Variants in STX1B observed in about 807,000 individuals in gnomAD.
STX1B encodes the protein syntaxin 1B, also known as syntaxin-1B.
A neutral mutation model predicts 39.4 loss-of-function variants in STX1B; 7 were observed. The ratio of observed to expected loss-of-function variants is 0.18; its 90% CI spans 0.10 to 0.33. The LOEUF is 0.33. Among genes scored for constraint, STX1B ranks in the 10% least tolerant of loss-of-function variants. The pLI is 1.00. For missense variants in STX1B, 198 were observed against 383.2 expected (o/e 0.52, Z 4.04); for synonymous variants, 136 against 144.1 (o/e 0.94, Z 0.40).
At chr16:31,004,706 G>A (rs1000071183) in intron 1 of STX1B, among the ~76,000 whole-genome samples, 2 of 151,788 alleles carry the variant, frequency 1.3e-5, no homozygotes, top group African/African-American at 4.8e-5. Context: ...ACTTGCCCCA[G>A]GTCAGCTGTT....
intron 1 of STX1B, among the ~76,000 whole-genome samples, chr16:31,003,318 G>A (rs1044675897): frequency 2.6e-5 from 4 of 152,232 alleles, no homozygotes; most frequent in African/African-American, 9.6e-5. Context: ...GCTGCCCCCA[G>A]AAAGTGGGGC....
At position 31,001,945 on chromosome 16, in the gene STX1B, T is replaced by G. The variant is rs944871840; in HGVS notation, c.31-342A>C. On this transcript the variant is annotated intron_variant, in intron 1 of 9. Coordinates refer to ENST00000215095, the MANE Select transcript of STX1B (RefSeq NM_052874.5). This position sits in a 1 kb window ranked among gnomAD's most constrained non-coding sequence, Gnocchi z 5.5. ...TTGCAGTAACTGACCCTGGGCTCCATGAAGGGTCCTGGACTAGAGTCCCGG... is the reference window on the plus strand; with the variant it reads ...TTGCAGTAACTGACCCTGGGCTCCAGGAAGGGTCCTGGACTAGAGTCCCGG... Among the ~76,000 whole-genome samples, 2 of 152,134 alleles carry G rather than the reference T, an allele frequency of 1.3e-5. No homozygotes were observed. Among genetic ancestry groups the G allele is most frequent in the East Asian group, 3.9e-4 (2 of 5,194 alleles).
At chr16:30,995,197 C>T (rs1056167707) in intron 7 of STX1B, among the ~76,000 whole-genome samples, 2 of 152,062 alleles carry the variant, frequency 1.3e-5, no homozygotes, top group African/African-American at 2.4e-5. Flanking sequence ...GGCTGGTCTA[C>T]GAACTCCTGG....
chr16:31,001,656 G>A lies in STX1B; in HGVS notation c.31-53C>T. ...AGCAGGCCCTACCTGGGTCCCCAAG[G>A]CTGGCTCTCCAGCTCTCCCACCCTC... On this transcript the variant is annotated intron_variant, in intron 1 of 9. Transcript: ENST00000215095. The surrounding 1 kb of genome is among the most constrained non-coding windows in gnomAD (Gnocchi z 5.5). 1 of 1,487,610 alleles carries A rather than the reference G, an allele frequency of 6.7e-7. No homozygotes were observed. 92.2% of individuals were successfully genotyped at this position (1,487,610 alleles called of 1,614,324 possible).
At chr16:31,009,779 C>G (rs998762940) in intron 1 of STX1B, among the ~76,000 whole-genome samples, 2 of 151,868 alleles carry the variant, frequency 1.3e-5, no homozygotes, top group African/African-American at 4.8e-5. Flanking sequence ...TCTGGGTCAC[C>G]CTGTCTCAGG....
At position 31,001,712 on chromosome 16, in the gene STX1B, C is replaced by T; in HGVS notation, c.31-109G>A. On this transcript the variant is annotated intron_variant, in intron 1 of 9. Transcript: ENST00000215095. The surrounding 1 kb of genome is among the most constrained non-coding windows in gnomAD (Gnocchi z 5.5). ...GCTATGCACACACAGGTGCTCCCAG[C>T]TCTAGGCTCAGAGGAGGGGTCCTGG... The T allele has an allele frequency of 1.2e-6, 1 of 828,752 alleles. No individual in the cohort carries two copies. The highest frequency in any genetic ancestry group is 1.9e-6 in the Non-Finnish European group (1 of 527,086). 51.3% of individuals were successfully genotyped at this position (828,752 alleles called of 1,614,324 possible).
chr16:31,009,207 A>G (rs2056668778), intron 1 of STX1B, among the ~76,000 whole-genome samples: 1 of 152,092 alleles, frequency 6.6e-6, no homozygotes, highest in South Asian at 2.1e-4. Flanking sequence ...CTTCTGTTTC[A>G]AAGGCCAGAA....
At chr16:31,007,900 A>T (rs2056662643) in intron 1 of STX1B, among the ~76,000 whole-genome samples, 1 of 152,212 alleles carries the variant, frequency 6.6e-6, no homozygotes, top group African/African-American at 2.4e-5. Flanking sequence ...ACGCGAAGAA[A>T]TTGAGGACCA....
intron 1 of STX1B, among the ~76,000 whole-genome samples, chr16:31,005,389 C>T (rs541156766): frequency 3.3e-5 from 5 of 151,750 alleles, no homozygotes; most frequent in South Asian, 2.1e-4. Context: ...ATGTGCAAAT[C>T]GAGGATGTAA....
Position 30,993,372 on chromosome 16 carries a change from T to G in STX1B, c.650A>C (p.Asp217Ala). The G allele has an allele frequency of 6.2e-7, 1 of 1,614,170 alleles. No individual in the cohort carries two copies. The highest frequency in any genetic ancestry group is 8.5e-7 in the Non-Finnish European group (1 of 1,180,032). ...SIRELHDMFV[D>A]MAMLVESQGE... ...CTGGCTCTCTACGAGCATGGCCATG[T>G]CCACAAACATATCGTGCAGCTCGCG... The change falls in exon 8 of 10, where the codon GAC becomes GCC. Residue 217 changes from aspartate (D) to alanine (A), a missense_variant. Physicochemically the swap from Asp to Ala is moderately radical, Grantham distance 126 (BLOSUM62 -2). Transcript: ENST00000215095.
chr16:30,992,734 A>G lies in STX1B; in HGVS notation c.*87T>C. 1.4e-6 allele frequency: 1 copy of G among 733,210 alleles called. No individual in the cohort carries two copies. The highest frequency in any genetic ancestry group is 1.6e-5 in the South Asian group (1 of 61,898). The allele number at this position is 733,210 out of a possible 1,614,324, so 45.4% of individuals were successfully genotyped here. On this transcript the variant is annotated 3_prime_UTR_variant, in exon 10 of 10. Transcript: ENST00000215095. ...GGGTCTGTTTTGGGAGTGAGCCTGG[A>G]GCAGGGGATGGAGTGAAAGGGGTGG...
intron 7 of STX1B, among the ~76,000 whole-genome samples, chr16:30,995,714 C>A (rs1417973567): frequency 2.0e-5 from 3 of 152,112 alleles, no homozygotes; most frequent in Non-Finnish European, 4.4e-5. Flanking sequence ...TGGTCTCGAA[C>A]TCCTGACCTC....
chr16:30,992,698 T>TGGGGGAGGGGG lies in STX1B; in HGVS notation c.*122_*123insCCCCCTCCCCC, dbSNP rs2056568319. ...GGGACACCAGGGTCTGCCGTGGGGG[T>TGGGGGAGGGGG]GGGGCTGCCTGGGTCTGTTTTGGGA... On this transcript the variant is annotated 3_prime_UTR_variant, in exon 10 of 10. Transcript: ENST00000215095. 4.3e-6 allele frequency: 2 copies of TGGGGGAGGGGG among 466,392 alleles called. No homozygotes were observed. Among genetic ancestry groups the TGGGGGAGGGGG allele is most frequent in the African/African-American group, 5.0e-5 (1 of 19,938 alleles). The allele number at this position is 466,392 out of a possible 1,614,324, so 28.9% of individuals were successfully genotyped here.
Position 30,997,579 on chromosome 16 carries a change from C to G in STX1B, c.281-4G>C. ...TGTTCAATGCTTTGCTCGATCGCTG[C>G]GGGAGAGAGGGCGCAGCGATGGGCG... On this transcript the variant is annotated splice_region_variant and splice_polypyrimidine_tract_variant and intron_variant, in intron 4 of 9. Coordinates refer to ENST00000215095, the MANE Select transcript of STX1B (RefSeq NM_052874.5). 1 of 1,605,862 alleles carries G rather than the reference C, an allele frequency of 6.2e-7. No individual in the cohort carries two copies. The highest frequency in any genetic ancestry group is 8.5e-7 in the Non-Finnish European group (1 of 1,176,994).
chr16:31,007,152 A>C lies in STX1B; in HGVS notation c.30+3215T>G, dbSNP rs563426965. Among the ~76,000 whole-genome samples the C allele has an allele frequency of 7.7e-4, 118 of 152,266 alleles. 1 individual carries two copies. Among genetic ancestry groups the C allele is most frequent in the African/African-American group, 2.8e-3 (116 of 41,532 alleles). ...AATATAAATAAAGGCAGCCCAGAGC[A>C]GCTGGAGGATATGGATCCATCACCC... is the stretch of plus-strand genomic sequence containing the variant. On this transcript the variant is annotated intron_variant, in intron 1 of 9. Transcript: ENST00000215095.
rs1018718953 is a variant in STX1B, at chr16:30,992,049, CTCTA to C, written c.*768_*771del. ...GGTGTCCAGTCCACAGTGTGGAGGG[CTCTA>C]TCTGAGAAGACCTATCAATACTTCA... On this transcript the variant is annotated 3_prime_UTR_variant, in exon 10 of 10. Coordinates refer to ENST00000215095, the MANE Select transcript of STX1B (RefSeq NM_052874.5). The C allele has an allele frequency of 1.3e-5, 2 of 151,388 alleles. No individual in the cohort carries two copies. Among genetic ancestry groups the C allele is most frequent in the African/African-American group, 2.4e-5 (1 of 41,158 alleles). 9.4% of individuals were successfully genotyped at this position (151,388 alleles called of 1,614,324 possible).
chr16:30,999,013 T>C (rs1467384698), intron 4 of STX1B, among the ~76,000 whole-genome samples: 1 of 152,178 alleles, frequency 6.6e-6, no homozygotes, highest in Non-Finnish European at 1.5e-5. Context: ...TTGGGATTCT[T>C]TGTATGACTT....
In STX1B at chr16:30,990,463, C is replaced by T. The variant is rs1167373313; in HGVS notation, c.*2358G>A. The T allele has an allele frequency of 6.6e-6, 1 of 152,346 alleles. No homozygotes were observed. The highest frequency in any genetic ancestry group is 1.5e-5 in the Non-Finnish European group (1 of 68,162). The allele number at this position is 152,346 out of a possible 1,614,324, so 9.4% of individuals were successfully genotyped here. On this transcript the variant is annotated 3_prime_UTR_variant, in exon 10 of 10. Coordinates refer to ENST00000215095, the MANE Select transcript of STX1B (RefSeq NM_052874.5). ...AAGGGAGAGCTCGGCTGTCTGAGCT[C>T]GGGTAGAGGTGGAGGGGTACTGTGT...
intron 1 of STX1B, among the ~76,000 whole-genome samples, chr16:31,002,907 G>C (rs2056638139): frequency 6.6e-6 from 1 of 152,192 alleles, no homozygotes; most frequent in South Asian, 2.1e-4. Flanking sequence ...AGAAGAGCTT[G>C]CCAGGGTCCC....
Sources: gnomAD v4.1 joint callset for allele counts (sites outside exome capture counted in the v4.1 genomes callset) on GRCh38, gnomAD v4.1.1 for gene constraint, Gnocchi (gnomAD v3.1) non-coding constraint, MANE v1.5 for transcripts, NCBI Gene and HGNC (gene_info 2026-07-23, HGNC 2026-07-21) for gene names.